Variants in UBB observed in about 807,000 individuals in gnomAD.
UBB encodes the protein polyubiquitin-B.
Under a neutral mutation model 12.5 loss-of-function variants are expected in UBB, and 11 were observed. That is an observed-to-expected ratio of 0.88 (90% CI 0.55 to 1.45). The LOEUF is 1.45. Among genes scored for constraint, UBB ranks in the 40% most tolerant of loss-of-function variants. The pLI, the probability that UBB is intolerant of heterozygous loss-of-function variation, is 0.00. For synonymous variants in UBB, 168 were observed against 120.1 expected (o/e 1.40, Z -2.61); for missense variants, 76 against 286.9 (o/e 0.26, Z 5.31).
chr17:16,381,594 C>T lies in UBB; in HGVS notation c.-6-308C>T, dbSNP rs1394953436. On this transcript the variant is annotated intron_variant, in intron 1 of 1. Coordinates refer to ENST00000302182, the MANE Select transcript of UBB (RefSeq NM_018955.4). ...GGTTTTGTTTTCAGTTTGCCTAACACCGTGCTTAGGTTTGAGGCAGATTGG... is the reference window on the plus strand; with the variant it reads ...GGTTTTGTTTTCAGTTTGCCTAACATCGTGCTTAGGTTTGAGGCAGATTGG... 3.1e-5 allele frequency: 13 copies of T among 421,080 alleles called. No individual in the cohort carries two copies. In the East Asian group the frequency reaches 3.9e-4, roughly 13 times the overall value. The allele number at this position is 421,080 out of a possible 1,614,324, so 26.1% of individuals were successfully genotyped here. A position where few individuals can be genotyped will look rare whatever the true frequency, so the allele number is the denominator to read the frequency against.
chr17:16,381,291 TGGGGGAGGGGAGGGCGA>T (rs1024345918), intron 1 of UBB, 107 bp downstream of exon 1: 1 of 20,102 alleles, frequency 5.0e-5, no homozygotes, highest in African/African-American at 3.3e-4. Flanking sequence ...GGGGAGGGCG[TGGGGGAGGGGAGGGCGA>T]GGTGACGCGG....
chr17:16,382,730 G>A lies in UBB; in HGVS notation c.*133G>A, dbSNP rs1433146158. 6 of 1,260,676 alleles carry A rather than the reference G, an allele frequency of 4.8e-6. No homozygotes were observed. Among genetic ancestry groups the A allele is most frequent in the South Asian group, 3.0e-5 (2 of 66,932 alleles). 78.1% of individuals were successfully genotyped at this position (1,260,676 alleles called of 1,614,324 possible). A position where few individuals can be genotyped will look rare whatever the true frequency, so the allele number is the denominator to read the frequency against. ...TGTTCAAAATGTTAATAAAGGTTTC[G>A]TTGCATGGTAGCATACTTGGTGTTT... is the stretch of plus-strand genomic sequence containing the variant. On this transcript the variant is annotated 3_prime_UTR_variant, in exon 2 of 2. Transcript: ENST00000302182.
intron 1 of UBB, 54 bp from the exon 2 acceptor site, chr17:16,381,848 G>A (rs373070690): frequency 4.0e-5 from 64 of 1,585,462 alleles, no homozygotes; most frequent in Admixed American, 3.3e-4. Context: ...AGGTGTAAAA[G>A]CAAGAAATAC....
upstream of UBB, chr17:16,381,055 C>T (rs2093272930): frequency 6.5e-6 from 1 of 153,536 alleles, no homozygotes. Flanking sequence ...TGACGCAACA[C>T]TCGTTGCATA....
Position 16,382,674 on chromosome 17 carries a change from A to G in UBB, c.*77A>G, listed in dbSNP as rs2093280758. On this transcript the variant is annotated 3_prime_UTR_variant, in exon 2 of 2. Transcript: ENST00000302182. ...TAGCCATTTGCCCCAACTTAAGTTT[A>G]GAAATTACAAGTTTCAGTAATAGCT... 6 of 1,551,048 alleles carry G rather than the reference A, an allele frequency of 3.9e-6. No individual in the cohort carries two copies. The highest frequency in any genetic ancestry group is 5.2e-6 in the Non-Finnish European group (6 of 1,142,940).
At chr17:16,381,726 A>C in intron 1 of UBB, 176 bp from the exon 2 acceptor site, 1 of 906,656 alleles carries the variant, frequency 1.1e-6, no homozygotes, top group Non-Finnish European at 1.6e-6. Flanking sequence ...GAAACCTTGA[A>C]TGACGAATTT....
At position 16,381,154 on chromosome 17, in the gene UBB, T is replaced by A. The variant is rs1467254943; in HGVS notation, c.-37T>A. On this transcript the variant is annotated 5_prime_UTR_variant, in exon 1 of 2. Transcript: ENST00000302182. ...TGTCCCTGTGGGTGGACGTGGTTGG[T>A]GATTGGCAGGATCCTGGTATCCGCT... The A allele has an allele frequency of 6.7e-6, 1 of 148,872 alleles. No homozygotes were observed. The highest frequency in any genetic ancestry group is 2.5e-5 in the African/African-American group (1 of 40,254). The allele number at this position is 148,872 out of a possible 1,614,324, so 9.2% of individuals were successfully genotyped here.
upstream of UBB, chr17:16,380,905 A>G (rs570113424): frequency 3.3e-5 from 5 of 153,834 alleles, no homozygotes; most frequent in African/African-American, 1.2e-4. Context: ...GAGAAGGGAA[A>G]TAATTTTTTA....
chr17:16,382,253 C>T lies in UBB; in HGVS notation c.346C>T (p.Gln116Ter). The T allele has an allele frequency of 6.2e-7, 1 of 1,610,640 alleles. No individual in the cohort carries two copies. Among genetic ancestry groups the T allele is most frequent in the Non-Finnish European group, 8.5e-7 (1 of 1,179,460 alleles). Residue 116 changes from glutamine (Q) to a stop codon, truncating the protein, a stop_gained, in exon 2 of 2, where the codon CAG becomes TAG. Coordinates refer to ENST00000302182, the MANE Select transcript of UBB (RefSeq NM_018955.4). LOFTEE classifies it high-confidence loss of function. ...GGATAAAGAAGGCATCCCTCCCGAC[C>T]AGCAGAGGCTCATCTTTGCAGGCAA... ...IQDKEGIPPD[Q>*]QRLIFAGKQL...
At position 16,382,419 on chromosome 17, in the gene UBB, C is replaced by T; in HGVS notation, c.512C>T (p.Pro171Leu). 5 of 1,609,074 alleles carry T rather than the reference C, an allele frequency of 3.1e-6. No individual in the cohort carries two copies. The highest frequency in any genetic ancestry group is 4.2e-6 in the Non-Finnish European group (5 of 1,179,318). The part of the protein sequence containing the change: ...TGKTITLEVE[P>L]SDTIENVKAK... ...AAGACCATCACTCTGGAGGTGGAGC[C>T]CAGTGACACCATCGAAAATGTGAAG... is the stretch of plus-strand genomic sequence containing the variant. The change falls in exon 2 of 2, where the codon CCC becomes CTC. Residue 171 changes from proline (P) to leucine (L), a missense_variant. Transcript: ENST00000302182.
chr17:16,381,316 C>T (rs566788887), intron 1 of UBB, 132 bp downstream of exon 1: 104 of 157,738 alleles, frequency 6.6e-4, no homozygotes, highest in Admixed American at 2.2e-3. Flanking sequence ...CGAGGTGACG[C>T]GGCGCTGGGC....
Position 16,381,903 on chromosome 17 carries a change from T to A in UBB, c.-5T>A. 1.2e-6 allele frequency: 2 copies of A among 1,614,084 alleles called. No homozygotes were observed. The highest frequency in any genetic ancestry group is 2.2e-5 in the South Asian group (2 of 91,086). ...GCTTATGTTTTACTTTTAAACTAGG[T>A]CAAAATGCAGATCTTCGTGAAAACC... On this transcript the variant is annotated splice_region_variant and 5_prime_UTR_variant, in exon 2 of 2. Coordinates refer to ENST00000302182, the MANE Select transcript of UBB (RefSeq NM_018955.4).
rs780264047 is a variant in UBB at position 16,382,298 on chromosome 17, A to C, written c.391A>C (p.Thr131Pro). The C allele has an allele frequency of 6.2e-7, 1 of 1,601,088 alleles. No homozygotes were observed. The highest frequency in any genetic ancestry group is 8.5e-7 in the Non-Finnish European group (1 of 1,177,234). ...AGGCAAGCAGCTGGAAGATGGCCGC[A>C]CTCTTTCTGACTACAACATCCAGAA... ...FAGKQLEDGRTLSDYNIQKES... is the reference protein window; with the variant it reads ...FAGKQLEDGRPLSDYNIQKES... Residue 131 changes from threonine to proline, a missense_variant, in exon 2 of 2, where the codon ACT becomes CCT. Thr to Pro is a conservative substitution (Grantham distance 38). Transcript: ENST00000302182.
intron 1 of UBB, chr17:16,381,619 G>T: frequency 2.1e-6 from 1 of 477,968 alleles, no homozygotes; most frequent in Non-Finnish European, 3.8e-6. Context: ...AGGCAGATTG[G>T]AGTTCGGTCG....
rs775045042 is a variant in UBB, at chr17:16,382,624, C to T, written c.*27C>T. The T allele has an allele frequency of 2.6e-5, 42 of 1,612,708 alleles. No individual in the cohort carries two copies. Among genetic ancestry groups the T allele is most frequent in the Non-Finnish European group, 3.3e-5 (39 of 1,179,416 alleles). ...TCTTCAGTCATGGCATTCGCAGTGCCCAGTGATGGCATTACTCTGCACTAT... is the reference window on the plus strand; with the variant it reads ...TCTTCAGTCATGGCATTCGCAGTGCTCAGTGATGGCATTACTCTGCACTAT... On this transcript the variant is annotated 3_prime_UTR_variant, in exon 2 of 2. Transcript: ENST00000302182.
chr17:16,381,150 T>C lies in UBB; in HGVS notation c.-41T>C, dbSNP rs1376418481. On this transcript the variant is annotated 5_prime_UTR_variant, in exon 1 of 2. Transcript: ENST00000302182. ...TTTGTGTCCCTGTGGGTGGACGTGG[T>C]TGGTGATTGGCAGGATCCTGGTATC... is the stretch of plus-strand genomic sequence containing the variant. The C allele has an allele frequency of 6.7e-6, 1 of 148,874 alleles. No individual in the cohort carries two copies. Among genetic ancestry groups the C allele is most frequent in the African/African-American group, 2.5e-5 (1 of 40,458 alleles). The allele number at this position is 148,874 out of a possible 1,614,324, so 9.2% of individuals were successfully genotyped here.
chr17:16,381,774 G>A, intron 1 of UBB, 128 bp from the exon 2 acceptor site: 1 of 1,230,746 alleles, frequency 8.1e-7, no homozygotes, highest in Non-Finnish European at 1.1e-6. Context: ...TTGAGGGGAG[G>A]CTTGCGGAAT....
intron 1 of UBB, chr17:16,381,444 C>G (rs1024011998): frequency 5.5e-6 from 1 of 183,210 alleles, no homozygotes; most frequent in African/African-American, 2.4e-5. Context: ...GTTTACTTCG[C>G]GGGGAAGGCG....
rs2093278534 is a variant in UBB at position 16,382,222 on chromosome 17, G to A, written c.315G>A (p.Lys105=). ...PSDTIENVKA[K]IQDKEGIPPD... Reference sequence around the variant, plus strand: ...ACACCATCGAAAATGTGAAGGCCAAGATCCAGGATAAAGAAGGCATCCCTC... The same window carrying A: ...ACACCATCGAAAATGTGAAGGCCAAAATCCAGGATAAAGAAGGCATCCCTC... Residue 105 remains lysine, a synonymous_variant, in exon 2 of 2, where the codon AAG becomes AAA. Coordinates refer to ENST00000302182, the MANE Select transcript of UBB (RefSeq NM_018955.4). 1 of 1,611,324 alleles carries A rather than the reference G, an allele frequency of 6.2e-7. No homozygotes were observed. Among genetic ancestry groups the A allele is most frequent in the African/African-American group, 1.4e-5 (1 of 73,816 alleles).
Sources: gnomAD v4.1 joint callset for allele counts on GRCh38, gnomAD v4.1.1 for gene constraint, MANE v1.5 for transcripts, NCBI Gene and HGNC (gene_info 2026-07-23, HGNC 2026-07-21) for gene names.